The following TIMP2 variants were observed in gnomAD, a reference collection of about 807,000 sequenced individuals.
The protein encoded by TIMP2 is TIMP metallopeptidase inhibitor 2, also known as metalloproteinase inhibitor 2.
A neutral mutation model predicts 24.3 loss-of-function variants in TIMP2; 5 were observed. That is an observed-to-expected ratio of 0.21 (90% CI 0.11 to 0.43). The LOEUF is 0.43. TIMP2 is among the 20% of genes least tolerant of loss of function. TIMP2 has a pLI of 1.00. For missense variants in TIMP2, 221 were observed against 297.5 expected (o/e 0.74, Z 1.89); for synonymous variants, 130 against 123.2 (o/e 1.06, Z -0.37).
At chr17:78,867,798 A>G (rs908394529) in intron 3 of TIMP2, among the ~76,000 whole-genome samples, 6 of 151,442 alleles carry the variant, frequency 4.0e-5, no homozygotes, top group African/African-American at 1.5e-4. Context: ...ACGGGGTTTC[A>G]CTGTGTTAGC....
At chr17:78,898,301 G>C (rs1274878546) in intron 1 of TIMP2, 3 of 152,270 alleles carry the variant, frequency 2.0e-5, no homozygotes, top group African/African-American at 7.2e-5. Context: ...AGGCCACATA[G>C]CTCGTAATCA....
At chr17:78,872,887 T>C (rs1243548110) in intron 2 of TIMP2, among the ~76,000 whole-genome samples, 1 of 151,962 alleles carries the variant, frequency 6.6e-6, no homozygotes, top group African/African-American at 2.4e-5. Flanking sequence ...TGGAATGCAG[T>C]GGTGCAATCT....
In TIMP2 at chr17:78,877,190, G is replaced by A. The variant is rs748281409; in HGVS notation, c.131-3271C>T. Among the ~76,000 whole-genome samples, 4 of 152,162 alleles carry A rather than the reference G, an allele frequency of 2.6e-5. No individual in the cohort carries two copies. In the South Asian group the frequency reaches 6.2e-4, roughly 24 times the overall value. ...TCCCTGCCTAATCTATATACCTTACGACAATGCTGCACCAAAAATGTTTAT... is the reference window on the plus strand; with the variant it reads ...TCCCTGCCTAATCTATATACCTTACAACAATGCTGCACCAAAAATGTTTAT... On this transcript the variant is annotated intron_variant, in intron 1 of 4. Coordinates refer to ENST00000262768, the MANE Select transcript of TIMP2 (RefSeq NM_003255.5).
At chr17:78,883,185 A>G (rs1194430079) in intron 1 of TIMP2, among the ~76,000 whole-genome samples, 1 of 152,230 alleles carries the variant, frequency 6.6e-6, no homozygotes, top group Admixed American at 6.5e-5. Flanking sequence ...GGAAGCAGGA[A>G]AGACCTCAGC....
intron 3 of TIMP2, among the ~76,000 whole-genome samples, chr17:78,867,894 C>T (rs904628876): frequency 1.5e-4 from 23 of 152,114 alleles, no homozygotes; most frequent in African/African-American, 4.8e-4. Context: ...CCACCTCGCC[C>T]GGCCCCTTTT....
At chr17:78,917,251 CAAAAAA>C (rs10592875) in intron 1 of TIMP2, among the ~76,000 whole-genome samples, 989 of 77,436 alleles carry the variant, frequency 0.013, 18 homozygotes, top group Middle Eastern at 0.065. Flanking sequence ...GACTCCGTCT[CAAAAAA>C]AAAAAAAAAA....
At chr17:78,884,019 T>C (rs1290958759) in intron 1 of TIMP2, among the ~76,000 whole-genome samples, 1 of 152,212 alleles carries the variant, frequency 6.6e-6, no homozygotes, top group African/African-American at 2.4e-5. Context: ...AGTGCGGCTT[T>C]GTGGAGGGAA....
chr17:78,872,443 C>T (rs755624100), intron 2 of TIMP2, among the ~76,000 whole-genome samples: 2 of 152,132 alleles, frequency 1.3e-5, no homozygotes, highest in Non-Finnish European at 2.9e-5. Context: ...GCACCTGCTG[C>T]CCAGGTGAAG....
chr17:78,884,524 C>T (rs1022982443), intron 1 of TIMP2, among the ~76,000 whole-genome samples: 5 of 152,128 alleles, frequency 3.3e-5, no homozygotes, highest in African/African-American at 1.2e-4. Context: ...TCCACACACC[C>T]AGGAAAGAAT....
chr17:78,874,107 T>C (rs998122957), intron 1 of TIMP2, 188 bp from the exon 2 acceptor site: 43 of 540,058 alleles, frequency 8.0e-5, no homozygotes, highest in African/African-American at 7.6e-4. Context: ...GGCTGAGAGA[T>C]GATGCCCAGC....
At chr17:78,876,937 G>A (rs891481064) in intron 1 of TIMP2, among the ~76,000 whole-genome samples, 2 of 152,102 alleles carry the variant, frequency 1.3e-5, no homozygotes, top group Admixed American at 6.6e-5. Context: ...CTTCCTCTGG[G>A]AAATCCTGTC....
chr17:78,896,911 T>C lies in TIMP2; in HGVS notation c.131-22992A>G. On this transcript the variant is annotated intron_variant, in intron 1 of 4. Coordinates refer to ENST00000262768, the MANE Select transcript of TIMP2 (RefSeq NM_003255.5). The surrounding 1 kb of genome is among the most constrained non-coding windows in gnomAD (Gnocchi z 4.4). The stretch of plus-strand genomic sequence containing the variant: ...CCAGCACCTGGGCCCAGGAATGTGC[T>C]TGGCCACCAGATTCCCAGCGATTCT... 1 of 985,320 alleles carries C rather than the reference T, an allele frequency of 1.0e-6. No individual in the cohort carries two copies. The highest frequency in any genetic ancestry group is 4.7e-5 in the South Asian group (1 of 21,290). The allele number at this position is 985,320 out of a possible 1,614,324, so 61.0% of individuals were successfully genotyped here. A position where few individuals can be genotyped will look rare whatever the true frequency, so the allele number is the denominator to read the frequency against.
chr17:78,892,519 C>A (rs1412941388), intron 1 of TIMP2: 1 of 1,484,434 alleles, frequency 6.7e-7, no homozygotes, highest in Non-Finnish European at 9.0e-7. Context: ...GTGAGCAAAG[C>A]CCTGGAGACA....
chr17:78,861,353 C>T (rs912688520), intron 3 of TIMP2, among the ~76,000 whole-genome samples: 1 of 152,198 alleles, frequency 6.6e-6, no homozygotes, highest in African/African-American at 2.4e-5. Context: ...TCTTCTGCAT[C>T]TCGCTCCTTA....
rs551712963 is a variant in TIMP2 at position 78,855,426 on chromosome 17, C to T, written c.*241G>A. On this transcript the variant is annotated 3_prime_UTR_variant, in exon 5 of 5. Coordinates refer to ENST00000262768, the MANE Select transcript of TIMP2 (RefSeq NM_003255.5). The surrounding 1 kb of genome is among the most constrained non-coding windows in gnomAD (Gnocchi z 6.0). ...CCCAGCCCTGCCTGCACCCAAGGATCGAAGCCCCAGACACATAGTGCCTGG... is the reference window on the plus strand; with the variant it reads ...CCCAGCCCTGCCTGCACCCAAGGATTGAAGCCCCAGACACATAGTGCCTGG... 3.6e-6 allele frequency: 2 copies of T among 552,478 alleles called. No individual in the cohort carries two copies. The highest frequency in any genetic ancestry group is 3.1e-5 in the Admixed American group (1 of 32,066). 34.2% of individuals were successfully genotyped at this position (552,478 alleles called of 1,614,324 possible). A position where few individuals can be genotyped will look rare whatever the true frequency, so the allele number is the denominator to read the frequency against.
chr17:78,917,841 G>A (rs1248342006), intron 1 of TIMP2, among the ~76,000 whole-genome samples: 1 of 152,146 alleles, frequency 6.6e-6, no homozygotes, highest in African/African-American at 2.4e-5. Flanking sequence ...GGCTGCCCAG[G>A]GCGGCCGAGT....
At chr17:78,890,908 G>A (rs2069880843) in intron 1 of TIMP2, 1 of 1,550,626 alleles carries the variant, frequency 6.4e-7, no homozygotes, top group Non-Finnish European at 8.7e-7. Flanking sequence ...CTTTGTAGTG[G>A]ATTTCCAAGC....
In TIMP2 at chr17:78,925,328, G is replaced by T; in HGVS notation, c.-240C>A. The T allele has an allele frequency of 6.6e-6, 1 of 150,854 alleles. No homozygotes were observed. The highest frequency in any genetic ancestry group is 1.8e-4 in the South Asian group (1 of 5,598). The allele number at this position is 150,854 out of a possible 1,614,324, so 9.3% of individuals were successfully genotyped here. On this transcript the variant is annotated 5_prime_UTR_variant, in exon 1 of 5. Transcript: ENST00000262768. ...CGGGCGGGGCGGCGGGGTGGGGGGC[G>T]GCGGGCGAGCGGCGCTGCGGTTCTC...
At chr17:78,907,213 T>C (rs1175632635) in intron 1 of TIMP2, among the ~76,000 whole-genome samples, 1 of 151,814 alleles carries the variant, frequency 6.6e-6, no homozygotes, top group Admixed American at 6.6e-5. Context: ...TCTTTAATTT[T>C]TTGTGGAGAT....
Sources: gnomAD v4.1 joint callset for allele counts (sites outside exome capture counted in the v4.1 genomes callset) on GRCh38, gnomAD v4.1.1 for gene constraint, Gnocchi (gnomAD v3.1) non-coding constraint, MANE v1.5 for transcripts, NCBI Gene and HGNC (gene_info 2026-07-23, HGNC 2026-07-21) for gene names.